Variants in L1TD1 observed in about 807,000 individuals in gnomAD.
L1TD1 encodes LINE-1 type transposase domain-containing protein 1.
A neutral mutation model predicts 25.7 loss-of-function variants in L1TD1; 26 were observed. That is an observed-to-expected ratio of 1.01 (90% CI 0.74 to 1.40). L1TD1 has a LOEUF of 1.40. Among genes scored for constraint, L1TD1 ranks in the 40% most tolerant of loss-of-function variants. The pLI, the probability that L1TD1 is intolerant of heterozygous loss-of-function variation, is 0.00. For synonymous variants in L1TD1, 421 were observed against 335.6 expected (o/e 1.25, Z -2.78); for missense variants, 1,130 against 975.0 (o/e 1.16, Z -2.12).
chr1:62,196,414 T>C (rs1339415423), intron 1 of L1TD1, 21 bp from the exon 2 acceptor site: 1 of 152,240 alleles, frequency 6.6e-6, no homozygotes, highest in Non-Finnish European at 1.5e-5. Flanking sequence ...TTTGGTGTTA[T>C]GAACTTGACT....
At chr1:62,203,078 G>A (rs1360499094) in intron 2 of L1TD1, among the ~76,000 whole-genome samples, 1 of 151,984 alleles carries the variant, frequency 6.6e-6, no homozygotes. Flanking sequence ...CACTCACCTC[G>A]GCCACCGAAA....
intron 2 of L1TD1, among the ~76,000 whole-genome samples, chr1:62,201,952 A>G (rs1670647489): frequency 6.6e-6 from 1 of 152,164 alleles, no homozygotes; most frequent in African/African-American, 2.4e-5. Context: ...TTGCTTTCTC[A>G]GTCCTTGATT....
At chr1:62,202,823 A>G (rs555918147) in intron 2 of L1TD1, among the ~76,000 whole-genome samples, 66 of 151,752 alleles carry the variant, frequency 4.3e-4, no homozygotes, top group Admixed American at 7.2e-4. Flanking sequence ...AGCTGGGATT[A>G]CAGGAACCCA....
At chr1:62,200,140 A>G (rs2149098623) in intron 2 of L1TD1, among the ~76,000 whole-genome samples, 1 of 152,264 alleles carries the variant, frequency 6.6e-6, no homozygotes, top group Non-Finnish European at 1.5e-5. Context: ...GAGTATATAT[A>G]TCATAACATG....
chr1:62,203,847 A>T (rs988996294), intron 2 of L1TD1, among the ~76,000 whole-genome samples: 2 of 151,900 alleles, frequency 1.3e-5, no homozygotes, highest in Non-Finnish European at 2.9e-5. Flanking sequence ...GGCCTCCCAG[A>T]GTGTTGGGAT....
At chr1:62,202,993 T>C (rs1166409093) in intron 2 of L1TD1, among the ~76,000 whole-genome samples, 2 of 152,094 alleles carry the variant, frequency 1.3e-5, no homozygotes, top group Admixed American at 1.3e-4. Context: ...TAATTTGTTT[T>C]TTAAAAAAAC....
chr1:62,202,546 CT>C (rs546794105), intron 2 of L1TD1, among the ~76,000 whole-genome samples: 17,906 of 91,898 alleles, frequency 0.19, 1,255 homozygotes, highest in Non-Finnish European at 0.22. Flanking sequence ...TTTTTCTTTT[CT>C]TTTTTTTTTT....
At chr1:62,204,836 G>A (rs774351563) in intron 2 of L1TD1, among the ~76,000 whole-genome samples, 1 of 152,114 alleles carries the variant, frequency 6.6e-6, no homozygotes, top group Non-Finnish European at 1.5e-5. Context: ...GTGCAATGGT[G>A]CGATGTCAGC....
intron 2 of L1TD1, among the ~76,000 whole-genome samples, chr1:62,205,584 A>G (rs896529284): frequency 6.6e-6 from 1 of 150,906 alleles, no homozygotes; most frequent in Admixed American, 6.6e-5. Context: ...GGCACGTGCC[A>G]CCATACCTGG....
chr1:62,198,748 G>T (rs571753794), intron 2 of L1TD1, among the ~76,000 whole-genome samples: 2 of 151,448 alleles, frequency 1.3e-5, no homozygotes, highest in African/African-American at 4.9e-5. Context: ...CTTTCCAACC[G>T]GTGCTCTCCT....
chr1:62,196,209 C>T (rs1282270007), intron 1 of L1TD1, among the ~76,000 whole-genome samples: 2 of 152,116 alleles, frequency 1.3e-5, no homozygotes, highest in East Asian at 3.9e-4. Context: ...AAAGAAGAAA[C>T]CATTCTCTCC....
Position 62,207,260 on chromosome 1 carries a change from TGA to T in L1TD1, c.638_639del (p.Glu213GlyfsTer10), listed in dbSNP as rs1161899585. On this transcript the variant is annotated frameshift_variant, in exon 3 of 4. Coordinates refer to ENST00000498273, the MANE Select transcript of L1TD1 (RefSeq NM_019079.5). LOFTEE classifies it high-confidence loss of function. The stretch of plus-strand genomic sequence containing the variant: ...GGAGAGGATGAATTTGTCAAAGAAA[TGA>T]GAGAGGAAAGAAAATTTCAGAAATT... 5 of 1,550,776 alleles carry T rather than the reference TGA, an allele frequency of 3.2e-6. No individual in the cohort carries two copies. The African/African-American group carries it at 4.1e-5, about 13-fold the overall frequency.
intron 2 of L1TD1, among the ~76,000 whole-genome samples, chr1:62,204,315 A>G (rs1239822458): frequency 6.6e-6 from 1 of 152,090 alleles, no homozygotes; most frequent in Non-Finnish European, 1.5e-5. Context: ...CTTTCTAGAA[A>G]ATTCTAAAAT....
rs139433745 is a variant in L1TD1 at position 62,210,284 on chromosome 1, C to G, written c.1510C>G (p.Arg504Gly). The G allele has an allele frequency of 4.2e-5, 67 of 1,613,914 alleles. No homozygotes were observed. The highest frequency in any genetic ancestry group is 5.6e-5 in the Non-Finnish European group (66 of 1,180,004). Residue 504 changes from arginine (R) to glycine (G), a missense_variant, in exon 4 of 4, where the codon CGT (arginine) becomes GGT (glycine). Transcript: ENST00000498273. The part of the protein sequence containing the change: ...TTSLTEKKAS[R>G]RQKEIPFSYL... ...CTCCCTGACTGAGAAAAAAGCCTCA[C>G]GTAGACAAAAAGAAATTCCCTTTAG...
rs777726180 is a variant in L1TD1, at chr1:62,207,030, C to T, written c.402C>T (p.Thr134=). Residue 134 remains threonine (T), a synonymous_variant, in exon 3 of 4, where the codon ACC becomes ACT. Transcript: ENST00000498273. ...TAGGTGATGATAATGAAAATTTAAC[C>T]TTTAAATTAGAAGTAAATGAGCTGA... ...SKIGDDNENL[T]FKLEVNELSG... is the part of the protein sequence containing the mutation. The T allele has an allele frequency of 1.2e-6, 2 of 1,613,346 alleles. No individual in the cohort carries two copies. The highest frequency in any genetic ancestry group is 2.2e-5 in the South Asian group (2 of 90,898).
rs1352021818 is a variant in L1TD1 at position 62,211,912 on chromosome 1, C to G, written c.*540C>G. ...CCCAGGAGGCGGAGCTTGCAGTGAG[C>G]CGAGATCACACCACTGCACTCCAGC... On this transcript the variant is annotated 3_prime_UTR_variant, in exon 4 of 4. Transcript: ENST00000498273. 3 of 152,568 alleles carry G rather than the reference C, an allele frequency of 2.0e-5. No homozygotes were observed. Among genetic ancestry groups the G allele is most frequent in the Non-Finnish European group, 4.4e-5 (3 of 68,444 alleles). 9.5% of individuals were successfully genotyped at this position (152,568 alleles called of 1,614,324 possible).
chr1:62,197,391 A>T (rs1288174762), intron 2 of L1TD1, among the ~76,000 whole-genome samples: 1 of 132,522 alleles, frequency 7.5e-6, no homozygotes, highest in Non-Finnish European at 1.6e-5. Context: ...TCTCAAAAAA[A>T]ATAAATTATA....
Position 62,210,596 on chromosome 1 carries a change from G to A in L1TD1, c.1822G>A (p.Asp608Asn). The change falls in exon 4 of 4, where the codon GAC becomes AAC. Residue 608 changes from aspartate (D) to asparagine (N), a missense_variant. Physicochemically the swap from Asp to Asn is conservative, Grantham distance 23. Transcript: ENST00000498273. ...HTEELTSKEA[D>N]LTEETEENLR... ...AGAAGAACTAACATCCAAAGAAGCA[G>A]ACTTAACAGAGGAAACAGAAGAAAA... is the stretch of plus-strand genomic sequence containing the variant. The A allele has an allele frequency of 1.2e-6, 2 of 1,611,612 alleles. No homozygotes were observed. The highest frequency in any genetic ancestry group is 1.7e-6 in the Non-Finnish European group (2 of 1,178,698).
At chr1:62,205,366 A>ACTCCCTCTCTCTCT (rs1557443295) in intron 2 of L1TD1, among the ~76,000 whole-genome samples, 5 of 105,910 alleles carry the variant, frequency 4.7e-5, no homozygotes, top group African/African-American at 1.8e-4. Flanking sequence ...ACCAACGAAA[A>ACTCCCTCTCTCTCT]CTCTCTTTCT....
Sources: gnomAD v4.1 joint callset for allele counts (sites outside exome capture counted in the v4.1 genomes callset) on GRCh38, gnomAD v4.1.1 for gene constraint, MANE v1.5 for transcripts, NCBI Gene and HGNC (gene_info 2026-07-23, HGNC 2026-07-21) for gene names.